Variants in BRD10 observed in about 807,000 individuals in gnomAD.
BRD10 encodes the protein uncharacterized bromodomain-containing protein 10.
the BRD10 span, among the ~76,000 whole-genome samples, chr9:5,932,117 T>C: frequency 4.6e-5 from 7 of 152,166 alleles, no homozygotes; most frequent in African/African-American, 1.4e-4. Flanking sequence ...AGAAATGAGA[T>C]GATAATCTGC....
the BRD10 span, chr9:5,969,096 G>C: frequency 4.3e-6 from 7 of 1,613,670 alleles, no homozygotes; most frequent in Admixed American, 3.3e-5. Flanking sequence ...GTGTACCACT[G>C]TTGTACTTTC....
the BRD10 span, among the ~76,000 whole-genome samples, chr9:5,984,859 C>G: frequency 6.6e-6 from 1 of 152,008 alleles, no homozygotes; most frequent in Admixed American, 6.5e-5. Flanking sequence ...CTGATAATTT[C>G]CATGTAATCT....
chr9:5,978,039 G>A, the BRD10 span, among the ~76,000 whole-genome samples: 1 of 152,070 alleles, frequency 6.6e-6, no homozygotes, highest in Non-Finnish European at 1.5e-5. Flanking sequence ...AAGGATATTT[G>A]CAAAAATAAC....
At chr9:5,922,445 G>C in the BRD10 span, 3 of 1,613,924 alleles carry the variant, frequency 1.9e-6, no homozygotes, top group East Asian at 4.5e-5. Flanking sequence ...CAAAGGCTGT[G>C]GTCTAGCACT....
At chr9:5,923,847 T>TTGCC in the BRD10 span, among the ~76,000 whole-genome samples, 1 of 152,210 alleles carries the variant, frequency 6.6e-6, no homozygotes, top group South Asian at 2.1e-4. Flanking sequence ...TACTCTTAAT[T>TTGCC]TGCCAAAGAT....
the BRD10 span, among the ~76,000 whole-genome samples, chr9:5,881,294 A>T: frequency 6.6e-6 from 1 of 152,190 alleles, no homozygotes; most frequent in Non-Finnish European, 1.5e-5. Context: ...CTGTAAATAT[A>T]AAAACTAACT....
the BRD10 span, among the ~76,000 whole-genome samples, chr9:5,947,563 T>A: frequency 4.0e-4 from 61 of 152,192 alleles, 1 homozygote; most frequent in East Asian, 0.011. Flanking sequence ...CAATTTATAC[T>A]TTATATATTA....
the BRD10 span, among the ~76,000 whole-genome samples, chr9:5,990,546 G>C: frequency 6.6e-6 from 1 of 151,928 alleles, no homozygotes; most frequent in South Asian, 2.1e-4. Flanking sequence ...ATAAGATAAA[G>C]GTATAAACTT....
chr9:5,984,186 G>A, the BRD10 span, among the ~76,000 whole-genome samples: 204 of 152,234 alleles, frequency 1.3e-3, 1 homozygote, highest in Non-Finnish European at 2.3e-3. Context: ...ATGTTGGGAA[G>A]GGTAAAGGTG....
the BRD10 span, among the ~76,000 whole-genome samples, chr9:5,931,488 A>C: frequency 6.6e-6 from 1 of 152,220 alleles, no homozygotes; most frequent in African/African-American, 2.4e-5. Context: ...GACTGTATAT[A>C]AGGAAGGAAG....
the BRD10 span, among the ~76,000 whole-genome samples, chr9:5,969,884 CA>C: frequency 6.6e-6 from 1 of 152,048 alleles, no homozygotes; most frequent in Non-Finnish European, 1.5e-5. Flanking sequence ...TGTCTCATAA[CA>C]GTACCATTTT....
chr9:5,919,579 C>CACACAT, the BRD10 span: 1 of 997,154 alleles, frequency 1.0e-6, no homozygotes, highest in Non-Finnish European at 1.5e-6. Flanking sequence ...CACACACACA[C>CACACAT]ACACAATGTA....
the BRD10 span, among the ~76,000 whole-genome samples, chr9:5,879,213 A>T: frequency 6.6e-6 from 1 of 152,182 alleles, no homozygotes; most frequent in Non-Finnish European, 1.5e-5. Context: ...CTGTAATTCC[A>T]GCACTTTAGG....
the BRD10 span, among the ~76,000 whole-genome samples, chr9:5,949,050 T>C: frequency 1.5e-4 from 23 of 152,184 alleles, no homozygotes; most frequent in Non-Finnish European, 2.2e-4. Flanking sequence ...ATGAACTATA[T>C]ATATTTTTAA....
chr9:5,938,569 C>T, the BRD10 span, among the ~76,000 whole-genome samples: 1 of 152,152 alleles, frequency 6.6e-6, no homozygotes, highest in African/African-American at 2.4e-5. Context: ...TGGATTCCTA[C>T]CAAGTTCCTG....
the BRD10 span, among the ~76,000 whole-genome samples, chr9:6,004,338 G>A: frequency 6.6e-6 from 1 of 152,126 alleles, no homozygotes; most frequent in Non-Finnish European, 1.5e-5. Context: ...TGATCTCAGG[G>A]ACATGAATGC....
the BRD10 span, among the ~76,000 whole-genome samples, chr9:5,929,608 G>A: frequency 6.6e-6 from 1 of 152,052 alleles, no homozygotes; most frequent in Non-Finnish European, 1.5e-5. Context: ...AAACTTCCTA[G>A]GAAATTTTAC....
the BRD10 span, among the ~76,000 whole-genome samples, chr9:5,978,917 G>C: frequency 6.6e-6 from 1 of 152,180 alleles, no homozygotes; most frequent in Non-Finnish European, 1.5e-5. Context: ...GAGGGGGTTT[G>C]AGAATATAAA....
chr9:5,897,726 T>C, the BRD10 span: 1 of 1,266,098 alleles, frequency 7.9e-7, no homozygotes, highest in Non-Finnish European at 1.2e-6. Context: ...TCTGAATCTC[T>C]GGAGAGTCAG....
Sources: gnomAD v4.1 joint callset for allele counts (sites outside exome capture counted in the v4.1 genomes callset) on GRCh38, gnomAD v4.1.1 for gene constraint, MANE v1.5 for transcripts, NCBI Gene and HGNC (gene_info 2026-07-23, HGNC 2026-07-21) for gene names.